DLG2: variants seen among roughly 807,000 people sequenced by gnomAD.
DLG2 encodes the protein disks large homolog 2.
DLG2 carries 45 observed loss-of-function variants against 132.5 expected under a neutral mutation model. The observed-to-expected ratio is 0.34, with a 90% CI of 0.27 to 0.44. The LOEUF is 0.44. Ranked by LOEUF, DLG2 falls within the 20% of genes least tolerant of loss-of-function variation. The probability of loss-of-function intolerance (pLI) is 1.00; values close to 1 mark genes in which losing one functional copy is unlikely to be tolerated. For synonymous variants in DLG2, 424 were observed against 419.6 expected (o/e 1.01, Z -0.13); for missense variants, 1,045 against 1,196.9 (o/e 0.87, Z 1.87).
At chr11:85,170,193 G>A (rs2078740666) in intron 4 of DLG2, among the ~76,000 whole-genome samples, 1 of 152,096 alleles carries the variant, frequency 6.6e-6, no homozygotes, top group African/African-American at 2.4e-5. Flanking sequence ...AACATGACTG[G>A]ACAAAAAGGG....
chr11:84,854,574 G>A (rs1474304338), intron 6 of DLG2, among the ~76,000 whole-genome samples: 2 of 151,910 alleles, frequency 1.3e-5, no homozygotes, highest in Non-Finnish European at 2.9e-5. Flanking sequence ...CTATTTCCCA[G>A]TTAACCCAAA....
intron 6 of DLG2, among the ~76,000 whole-genome samples, chr11:84,866,844 A>G (rs991315141): frequency 6.6e-5 from 10 of 152,222 alleles, no homozygotes; most frequent in African/African-American, 2.2e-4. Context: ...GTGATAGCTG[A>G]TAAGTGGCAC....
rs375526999 is a variant in DLG2, at chr11:84,969,074, CA to C, written c.357+142586del. 4.2e-3 allele frequency among the ~76,000 whole-genome samples: 470 copies of C among 111,634 alleles called. 1 individual carries two copies. The highest frequency in any genetic ancestry group is 4.9e-3 in the Admixed American group (52 of 10,694). 73.2% of individuals were successfully genotyped at this position (111,634 alleles called of 152,430 possible). On this transcript the variant is annotated intron_variant, in intron 6 of 27. Transcript: ENST00000376104. ...CAAAGGAAACTTTATTCTTCACTTG[CA>C]AAAAAAAAAAAAAAAGTACAGAACT...
At chr11:84,625,908 A>T (rs1040672366) in intron 6 of DLG2, among the ~76,000 whole-genome samples, 1 of 152,146 alleles carries the variant, frequency 6.6e-6, no homozygotes, top group Non-Finnish European at 1.5e-5. Flanking sequence ...TTTTCTCTTA[A>T]ATTTTAAATG....
In DLG2 at chr11:85,152,285, T is replaced by G. The variant is rs981808827; in HGVS notation, c.282+2271A>C. On this transcript the variant is annotated intron_variant, in intron 5 of 27. Transcript: ENST00000376104. ...AGATGGAGTCTTTCCCTGTCACCCA[T>G]GCTGGAGTGCAGTGGCGCTATCTCA... 1.1e-4 allele frequency among the ~76,000 whole-genome samples: 17 copies of G among 151,708 alleles called. No homozygotes were observed. The East Asian group carries it at 3.3e-3, about 29-fold the overall frequency.
In DLG2 at chr11:84,906,572, T is replaced by C. The variant is rs75056907; in HGVS notation, c.357+205089A>G. 2.6e-3 allele frequency among the ~76,000 whole-genome samples: 390 copies of C among 152,246 alleles called. 1 individual carries two copies. Among genetic ancestry groups the C allele is most frequent in the African/African-American group, 9.0e-3 (375 of 41,548 alleles). On this transcript the variant is annotated intron_variant, in intron 6 of 27. Transcript: ENST00000376104. ...AAAAACAAAAAAGCTTGCCTCCTTC[T>C]ACCATTTATGACGCCCATAACTCCT...
At chr11:84,721,638 G>T (rs947952102) in intron 6 of DLG2, among the ~76,000 whole-genome samples, 1 of 152,298 alleles carries the variant, frequency 6.6e-6, no homozygotes, top group African/African-American at 2.4e-5. Context: ...AGGGTGTGGG[G>T]GTAGGAAGTG....
intron 17 of DLG2, among the ~76,000 whole-genome samples, chr11:83,799,809 G>A (rs2043862966): frequency 1.3e-5 from 2 of 152,186 alleles, no homozygotes; most frequent in South Asian, 2.1e-4. Context: ...TTTGCAGACA[G>A]TTAGAAAATA....
chr11:83,859,937 A>G (rs1159762715), intron 16 of DLG2, among the ~76,000 whole-genome samples: 1 of 152,234 alleles, frequency 6.6e-6, no homozygotes, highest in African/African-American at 2.4e-5. Flanking sequence ...AGCTTGGGCC[A>G]CAGCTTCAGA....
chr11:83,913,806 T>C (rs772696022), intron 15 of DLG2, among the ~76,000 whole-genome samples: 1 of 152,088 alleles, frequency 6.6e-6, no homozygotes, highest in East Asian at 1.9e-4. Flanking sequence ...CTGAAAGAAC[T>C]GATATGACTG....
intron 8 of DLG2, among the ~76,000 whole-genome samples, chr11:84,184,857 G>A (rs913193159): frequency 2.0e-5 from 3 of 152,034 alleles, no homozygotes; most frequent in African/African-American, 7.3e-5. Flanking sequence ...TTTTTCTCAG[G>A]TTTGTCAAAG....
intron 6 of DLG2, among the ~76,000 whole-genome samples, chr11:84,663,814 G>C (rs1442097213): frequency 6.6e-6 from 1 of 152,094 alleles, no homozygotes; most frequent in African/African-American, 2.4e-5. Context: ...TCTTAATCAT[G>C]GGCTGACACT....
At chr11:83,709,321 T>TTATATATATTATATATACATA (rs1491487971) in intron 18 of DLG2, among the ~76,000 whole-genome samples, 2 of 147,686 alleles carry the variant, frequency 1.4e-5, no homozygotes, top group African/African-American at 4.9e-5. Context: ...ATGTATAAAG[T>TTATATATATTATATATACATA]TATATATATT....
intron 6 of DLG2, among the ~76,000 whole-genome samples, chr11:85,013,081 G>T (rs2059288178): frequency 6.6e-6 from 1 of 152,092 alleles, no homozygotes; most frequent in African/African-American, 2.4e-5. Context: ...ATATCAAATT[G>T]AATTTTCCAG....
chr11:84,171,433 A>C (rs765383175), intron 8 of DLG2, among the ~76,000 whole-genome samples: 8 of 152,066 alleles, frequency 5.3e-5, no homozygotes, highest in Admixed American at 1.3e-4. Flanking sequence ...AATGTTTATT[A>C]TTCCATACAT....
chr11:83,849,131 C>T (rs1222805049), intron 16 of DLG2, among the ~76,000 whole-genome samples: 6 of 152,064 alleles, frequency 3.9e-5, no homozygotes, highest in Admixed American at 3.9e-4. Flanking sequence ...TGAGATTTGC[C>T]ATTTATTAGC....
chr11:84,807,992 G>C (rs2076184898), intron 6 of DLG2, among the ~76,000 whole-genome samples: 1 of 152,064 alleles, frequency 6.6e-6, no homozygotes, highest in Non-Finnish European at 1.5e-5. Context: ...TCAGCCATCA[G>C]AATCCAATTG....
intron 3 of DLG2, among the ~76,000 whole-genome samples, chr11:85,426,254 A>T (rs1057301696): frequency 6.6e-6 from 1 of 152,186 alleles, no homozygotes; most frequent in African/African-American, 2.4e-5. Flanking sequence ...TTAAATGTCC[A>T]TGTCTGACAG....
chr11:84,359,723 G>C (rs1212250366), intron 7 of DLG2, among the ~76,000 whole-genome samples: 4 of 151,032 alleles, frequency 2.6e-5, no homozygotes, highest in African/African-American at 9.7e-5. Context: ...ATGAGTGAGG[G>C]ATAAAATGTC....
Sources: allele counts gnomAD v4.1 joint callset (sites outside exome capture counted in the v4.1 genomes callset), GRCh38; gene constraint gnomAD v4.1.1; transcripts MANE v1.5; gene names NCBI Gene and HGNC (gene_info 2026-07-23, HGNC 2026-07-21).